EEA1: variants seen among roughly 807,000 people sequenced by gnomAD.
EEA1 encodes early endosome antigen 1, 162kD.
EEA1 carries 111 observed loss-of-function variants against 209.2 expected under a neutral mutation model. The ratio of observed to expected loss-of-function variants is 0.53; its 90% CI spans 0.45 to 0.62. The LOEUF (loss-of-function observed/expected upper bound fraction) is 0.62, where lower values mean the gene tolerates loss of function less well. EEA1 is among the 20% of genes least tolerant of loss of function. The pLI is 0.00. For missense variants in EEA1, 1,343 were observed against 1,530.8 expected, an observed-to-expected ratio of 0.88 and a Z score of 2.05; for synonymous variants, 536 against 540.6, an observed-to-expected ratio of 0.99 and a Z score of 0.12.
At chr12:92,853,626 T>C (rs1300139565) in intron 6 of EEA1, among the ~76,000 whole-genome samples, 1 of 152,192 alleles carries the variant, frequency 6.6e-6, no homozygotes, top group Admixed American at 6.5e-5. Context: ...ATCTTACTCT[T>C]AATATAGACT....
chr12:92,781,027 C>T (rs1260955052), intron 23 of EEA1, among the ~76,000 whole-genome samples: 5 of 152,158 alleles, frequency 3.3e-5, no homozygotes, highest in African/African-American at 1.2e-4. Flanking sequence ...CCTCCCACCT[C>T]GGTCTCCCGA....
rs1792061417 is a variant in EEA1, at chr12:92,773,054, C to G, written c.*2957G>C. The G allele has an allele frequency of 6.6e-6, 1 of 152,014 alleles. No homozygotes were observed. Among genetic ancestry groups the G allele is most frequent in the South Asian group, 2.1e-4 (1 of 4,824 alleles). 9.4% of individuals were successfully genotyped at this position (152,014 alleles called of 1,614,324 possible). On this transcript the variant is annotated 3_prime_UTR_variant, in exon 29 of 29. Transcript: ENST00000322349. ...TGTGGCACGTTATAATTACAGAATA[C>G]CATTCATCAAGCTCATGTCTAGGAA...
chr12:92,865,244 G>C (rs1878325799), intron 2 of EEA1, among the ~76,000 whole-genome samples: 1 of 152,124 alleles, frequency 6.6e-6, no homozygotes, highest in African/African-American at 2.4e-5. Flanking sequence ...AATAGCTGGA[G>C]TACCCAAGTC....
At chr12:92,887,646 T>C (rs1879470557) in intron 2 of EEA1, among the ~76,000 whole-genome samples, 2 of 151,578 alleles carry the variant, frequency 1.3e-5, no homozygotes, top group Admixed American at 1.3e-4. Flanking sequence ...AGACCTTGTC[T>C]CAAAAAATAA....
chr12:92,840,021 C>G (rs1170315380), intron 10 of EEA1, among the ~76,000 whole-genome samples: 1 of 152,196 alleles, frequency 6.6e-6, no homozygotes, highest in Non-Finnish European at 1.5e-5. Context: ...GAAAACTTGA[C>G]TAGGATTGGA....
At chr12:92,829,343 C>T (rs1226234732) in intron 11 of EEA1, among the ~76,000 whole-genome samples, 1 of 152,042 alleles carries the variant, frequency 6.6e-6, no homozygotes, top group Non-Finnish European at 1.5e-5. Context: ...AGCATAAATG[C>T]TAAATTTGTT....
At chr12:92,786,920 T>C (rs944803086) in intron 22 of EEA1, among the ~76,000 whole-genome samples, 1 of 152,206 alleles carries the variant, frequency 6.6e-6, no homozygotes, top group Non-Finnish European at 1.5e-5. Context: ...GCAAGGCAAT[T>C]ATGTTAACTG....
chr12:92,858,904 A>C (rs1431238449), intron 3 of EEA1: 1 of 708,914 alleles, frequency 1.4e-6, no homozygotes, highest in Non-Finnish European at 2.6e-6. Flanking sequence ...ACACTTACAG[A>C]GGTTGGGGTG....
chr12:92,886,589 G>A (rs1272086807), intron 2 of EEA1, among the ~76,000 whole-genome samples: 1 of 76,376 alleles, frequency 1.3e-5, no homozygotes, highest in African/African-American at 5.4e-5. Flanking sequence ...GGGGAGGGGA[G>A]AGAAGGGAAG....
At chr12:92,867,848 C>T (rs1159233902) in intron 2 of EEA1, among the ~76,000 whole-genome samples, 2 of 89,022 alleles carry the variant, frequency 2.2e-5, no homozygotes, top group African/African-American at 8.2e-5. Flanking sequence ...ATTGCAGCTG[C>T]ATAGTGTATG....
chr12:92,795,695 A>G (rs1169046835), intron 21 of EEA1, among the ~76,000 whole-genome samples: 1 of 152,212 alleles, frequency 6.6e-6, no homozygotes, highest in Non-Finnish European at 1.5e-5. Flanking sequence ...TGATCTCCCT[A>G]TACAGTATCT....
At chr12:92,850,752 T>C (rs1475572772) in intron 9 of EEA1, among the ~76,000 whole-genome samples, 1 of 135,024 alleles carries the variant, frequency 7.4e-6, no homozygotes, top group African/African-American at 2.8e-5. Context: ...CTTTCTTAAA[T>C]ATATTTTCTA....
At chr12:92,804,550 C>G (rs559545232) in intron 18 of EEA1, among the ~76,000 whole-genome samples, 1 of 125,502 alleles carries the variant, frequency 8.0e-6, no homozygotes, top group Admixed American at 9.8e-5. Flanking sequence ...CCAGCCTGGG[C>G]GACAGAGTGA....
intron 1 of EEA1, among the ~76,000 whole-genome samples, chr12:92,914,916 G>A (rs548324124): frequency 6.6e-5 from 10 of 152,016 alleles, no homozygotes; most frequent in African/African-American, 1.2e-4. Context: ...CACCTGCCTC[G>A]GCTTCCCAAA....
intron 9 of EEA1, among the ~76,000 whole-genome samples, chr12:92,846,430 T>A (rs190409437): frequency 6.6e-6 from 1 of 152,314 alleles, no homozygotes; most frequent in Admixed American, 6.5e-5. Flanking sequence ...GATATTTAAA[T>A]ACTTTCATAG....
intron 1 of EEA1, among the ~76,000 whole-genome samples, chr12:92,912,165 TC>T (rs1880604341): frequency 6.6e-6 from 1 of 152,214 alleles, no homozygotes; most frequent in Non-Finnish European, 1.5e-5. Context: ...AGTCTTTCCA[TC>T]CTTTAAACTC....
At chr12:92,891,124 CTT>C (rs201083391) in intron 2 of EEA1, among the ~76,000 whole-genome samples, 1 of 151,956 alleles carries the variant, frequency 6.6e-6, no homozygotes, top group South Asian at 2.1e-4. Context: ...CTAAAGCTGA[CTT>C]TTCAAATTTT....
intron 13 of EEA1, among the ~76,000 whole-genome samples, chr12:92,823,665 C>T (rs1442151487): frequency 1.3e-5 from 2 of 152,314 alleles, no homozygotes; most frequent in African/African-American, 4.8e-5. Flanking sequence ...AGGGACTTTG[C>T]CTGGCCCCTC....
chr12:92,817,564 T>C (rs1016531676), intron 14 of EEA1, among the ~76,000 whole-genome samples: 17 of 152,136 alleles, frequency 1.1e-4, no homozygotes, highest in Admixed American at 9.8e-4. Flanking sequence ...TTTTTGTTTC[T>C]ATCCATAAGC....
Sources: allele counts gnomAD v4.1 joint callset (sites outside exome capture counted in the v4.1 genomes callset), GRCh38; gene constraint gnomAD v4.1.1; transcripts MANE v1.5; gene names NCBI Gene and HGNC (gene_info 2026-07-23, HGNC 2026-07-21).